The following ZNF385D variants were observed in gnomAD, a reference collection of about 807,000 sequenced individuals.
The protein encoded by ZNF385D is zinc finger protein 385D.
In ZNF385D, 15 loss-of-function variants were observed where a neutral mutation model predicts 35.8. That is an observed-to-expected ratio of 0.42 (90% CI 0.28 to 0.64). ZNF385D has a LOEUF of 0.64. Ranked by LOEUF, ZNF385D falls within the 30% of genes least tolerant of loss-of-function variation. The pLI is 0.23. For missense variants in ZNF385D, 474 were observed against 494.6 expected, an observed-to-expected ratio of 0.96 and a Z score of 0.39; for synonymous variants, 212 against 186.8, an observed-to-expected ratio of 1.13 and a Z score of -1.10.
chr3:21,623,558 G>T (rs1358416759), intron 2 of ZNF385D, among the ~76,000 whole-genome samples: 1 of 151,902 alleles, frequency 6.6e-6, no homozygotes, highest in Non-Finnish European at 1.5e-5. Context: ...TGGGAAAATC[G>T]CTTGACCCCA....
chr3:21,870,244 G>A (rs919539826), intron 3 of ZNF385D, among the ~76,000 whole-genome samples: 11 of 152,082 alleles, frequency 7.2e-5, no homozygotes, highest in African/African-American at 2.4e-4. Context: ...AACCTGTTTT[G>A]ATCAGCTATA....
In ZNF385D at chr3:22,228,508, T is replaced by G. The variant is rs1698695871; in HGVS notation, c.107-59473A>C. Among the ~76,000 whole-genome samples, 3 of 152,190 alleles carry G rather than the reference T, an allele frequency of 2.0e-5. No individual in the cohort carries two copies. The South Asian group carries it at 6.2e-4, about 31-fold the overall frequency. On this transcript the variant is annotated intron_variant, in intron 2 of 5. Transcript: ENST00000494108. ...GTGTCCACTCTGCCACTCCCCATAATACCAGGTAATCCAGGGAATAAAAGC... is the reference window on the plus strand; with the variant it reads ...GTGTCCACTCTGCCACTCCCCATAAGACCAGGTAATCCAGGGAATAAAAGC...
intron 3 of ZNF385D, among the ~76,000 whole-genome samples, chr3:22,032,622 C>T (rs983308389): frequency 3.3e-5 from 5 of 152,050 alleles, no homozygotes; most frequent in African/African-American, 9.7e-5. Flanking sequence ...ACTTTCTTAG[C>T]GCTAAGGTTA....
intron 2 of ZNF385D, among the ~76,000 whole-genome samples, chr3:22,241,606 AC>A (rs1239070303): frequency 6.6e-6 from 1 of 151,086 alleles, no homozygotes; most frequent in Non-Finnish European, 1.5e-5. Flanking sequence ...CTGGCCCTTA[AC>A]AAATTAATTA....
intron 2 of ZNF385D, among the ~76,000 whole-genome samples, chr3:21,658,645 T>C (rs999649508): frequency 1.3e-5 from 2 of 152,022 alleles, no homozygotes; most frequent in Admixed American, 6.6e-5. Flanking sequence ...GTTGAGTCTT[T>C]GCTATGTTTC....
At chr3:22,339,082 T>C (rs1369140682) in intron 2 of ZNF385D, among the ~76,000 whole-genome samples, 1 of 152,216 alleles carries the variant, frequency 6.6e-6, no homozygotes, top group Non-Finnish European at 1.5e-5. Context: ...TAAATGTGTG[T>C]GCATACACAC....
At chr3:21,795,404 G>A (rs1288317956) in intron 3 of ZNF385D, among the ~76,000 whole-genome samples, 3 of 152,238 alleles carry the variant, frequency 2.0e-5, no homozygotes, top group Non-Finnish European at 1.5e-5. Flanking sequence ...GGCTGAGGGC[G>A]GGGCACATAG....
chr3:21,943,882 A>T (rs1701654015), intron 3 of ZNF385D, among the ~76,000 whole-genome samples: 1 of 152,190 alleles, frequency 6.6e-6, no homozygotes. Context: ...ATACTGTTAC[A>T]TTTGACGACA....
chr3:21,864,599 T>C (rs972079484), intron 3 of ZNF385D, among the ~76,000 whole-genome samples: 3 of 152,094 alleles, frequency 2.0e-5, no homozygotes, highest in African/African-American at 7.2e-5. Context: ...ATGACAGTGT[T>C]TTAAATACTA....
chr3:21,509,885 T>C (rs999523206), intron 4 of ZNF385D, among the ~76,000 whole-genome samples: 2 of 152,232 alleles, frequency 1.3e-5, no homozygotes, highest in Non-Finnish European at 2.9e-5. Flanking sequence ...AGCTGATATG[T>C]GTCCATTGTG....
intron 1 of ZNF385D, among the ~76,000 whole-genome samples, chr3:21,675,208 A>C (rs1321820446): frequency 1.3e-5 from 2 of 152,062 alleles, no homozygotes; most frequent in African/African-American, 4.8e-5. Flanking sequence ...CAGAAAAATA[A>C]ATGGCCCAAA....
intron 3 of ZNF385D, among the ~76,000 whole-genome samples, chr3:21,918,558 A>T (rs1700305106): frequency 1.3e-5 from 2 of 152,186 alleles, no homozygotes; most frequent in Non-Finnish European, 2.9e-5. Flanking sequence ...CATAATTTTC[A>T]CATTAATAAT....
chr3:22,035,448 G>C (rs1306929746), intron 3 of ZNF385D, among the ~76,000 whole-genome samples: 4 of 152,104 alleles, frequency 2.6e-5, no homozygotes, highest in Admixed American at 2.0e-4. Context: ...TATCAGTTAA[G>C]CCCAGAGCAT....
chr3:21,763,538 T>C (rs2070708266), intron 3 of ZNF385D, among the ~76,000 whole-genome samples: 1 of 152,184 alleles, frequency 6.6e-6, no homozygotes, highest in South Asian at 2.1e-4. Context: ...GAATATCGTG[T>C]GCTTTAGGCC....
chr3:21,989,196 T>A (rs1039375860), intron 3 of ZNF385D, among the ~76,000 whole-genome samples: 1 of 152,128 alleles, frequency 6.6e-6, no homozygotes, highest in Non-Finnish European at 1.5e-5. Context: ...CTCCCTCAAT[T>A]TTTTAGAATA....
chr3:21,568,821 G>A (rs1295906917), intron 2 of ZNF385D, among the ~76,000 whole-genome samples: 1 of 152,034 alleles, frequency 6.6e-6, no homozygotes, highest in Non-Finnish European at 1.5e-5. Context: ...AAATGTAAAG[G>A]TTTCAATACA....
chr3:22,266,023 C>G (rs1163886298), intron 2 of ZNF385D, among the ~76,000 whole-genome samples: 3 of 151,984 alleles, frequency 2.0e-5, no homozygotes. Context: ...TTGGCCTCCA[C>G]TTTCCCATTT....
intron 3 of ZNF385D, among the ~76,000 whole-genome samples, chr3:21,937,108 GAAAA>G (rs960864787): frequency 6.6e-6 from 1 of 151,114 alleles, no homozygotes; most frequent in Admixed American, 6.6e-5. Flanking sequence ...CTGCAAGAAA[GAAAA>G]AAAATATTTT....
chr3:22,122,706 G>C (rs896082604), intron 3 of ZNF385D, among the ~76,000 whole-genome samples: 2 of 152,106 alleles, frequency 1.3e-5, no homozygotes, highest in Non-Finnish European at 2.9e-5. Flanking sequence ...TAACAATTTG[G>C]ATATGGAAAG....
Sources: allele counts gnomAD v4.1 joint callset (sites outside exome capture counted in the v4.1 genomes callset), GRCh38; gene constraint gnomAD v4.1.1; transcripts MANE v1.5; gene names NCBI Gene and HGNC (gene_info 2026-07-23, HGNC 2026-07-21).